Variants in NFATC1 observed in about 807,000 individuals in gnomAD.
NFATC1 encodes nuclear factor of activated T-cells, cytoplasmic 1.
NFATC1 carries 22 observed loss-of-function variants against 76.0 expected under a neutral mutation model. The ratio of observed to expected loss-of-function variants is 0.29; its 90% CI spans 0.21 to 0.41. The LOEUF (loss-of-function observed/expected upper bound fraction) is 0.41. NFATC1 is among the 10% of genes least tolerant of loss of function. The pLI, the probability that NFATC1 is intolerant of heterozygous loss-of-function variation, is 1.00. For synonymous variants in NFATC1, 704 were observed against 613.1 expected (o/e 1.15, Z -2.19); for missense variants, 1,357 against 1,337.7 (o/e 1.01, Z -0.23).
At position 79,529,182 on chromosome 18, in the gene NFATC1, T is replaced by A. The variant is rs1473380117; in HGVS notation, c.*1605T>A. ...CGTGTGGCCGCGTCCCACCTGCGGCTGGGTACCCTGCACCCGGCACTGTAG... is the reference window on the plus strand; with the variant it reads ...CGTGTGGCCGCGTCCCACCTGCGGCAGGGTACCCTGCACCCGGCACTGTAG... On this transcript the variant is annotated 3_prime_UTR_variant, in exon 10 of 10. Transcript: ENST00000427363. 6.6e-6 allele frequency: 1 copy of A among 152,264 alleles called. No homozygotes were observed. The highest frequency in any genetic ancestry group is 2.4e-5 in the African/African-American group (1 of 41,480). 9.4% of individuals were successfully genotyped at this position (152,264 alleles called of 1,614,324 possible).
intron 1 of NFATC1, chr18:79,400,514 GC>G (rs2085167288): frequency 8.0e-6 from 11 of 1,382,278 alleles, no homozygotes; most frequent in Admixed American, 3.6e-5. Flanking sequence ...GGGGCGCGGG[GC>G]CAGGTCGGGG....
intron 9 of NFATC1, among the ~76,000 whole-genome samples, chr18:79,512,318 T>C (rs1555923038): frequency 6.6e-6 from 1 of 152,182 alleles, no homozygotes; most frequent in Non-Finnish European, 1.5e-5. Context: ...AGCAAAATCC[T>C]GGCACCACCT....
At chr18:79,507,331 C>G (rs2090139171) in intron 9 of NFATC1, among the ~76,000 whole-genome samples, 1 of 152,252 alleles carries the variant, frequency 6.6e-6, no homozygotes, top group African/African-American at 2.4e-5. Context: ...GCACAGCAGC[C>G]TGGACTGCGG....
rs371582451 is a variant in NFATC1 at position 79,486,844 on chromosome 18, G to A, written c.2689G>A (p.Glu897Lys). 31 of 1,611,842 alleles carry A rather than the reference G, an allele frequency of 1.9e-5. No homozygotes were observed. The South Asian group carries it at 3.3e-4, about 17-fold the overall frequency. The change falls in exon 9 of 10, where the codon GAG becomes AAG. Residue 897 changes from glutamate to lysine, a missense_variant. Glu to Lys is a moderately conservative substitution (Grantham distance 56, BLOSUM62 1). This residue lies in a region of NFATC1 where 424 missense variants were observed against 395.4 expected (regional missense o/e 1.07). Coordinates refer to ENST00000427363, the MANE Select transcript of NFATC1 (RefSeq NM_001278669.2). ...SPTAGPRLLP[E>K]VHEDGSPNLA... ...GACTGCCGGGCCACGGCTGCTGCCA[G>A]AGGTGCATGAGGACGGTAGTCCTAA...
chr18:79,450,869 G>A, intron 4 of NFATC1, 85 bp from the exon 5 acceptor site: 1 of 1,501,058 alleles, frequency 6.7e-7, no homozygotes, highest in Non-Finnish European at 9.0e-7. Flanking sequence ...GGGCTGGGAT[G>A]AGGGCCAGAG....
chr18:79,459,776 C>T (rs541683663), intron 6 of NFATC1, among the ~76,000 whole-genome samples: 1 of 152,116 alleles, frequency 6.6e-6, no homozygotes, highest in South Asian at 2.1e-4. Context: ...TCAAAAGGTG[C>T]CAAACAACCA....
In NFATC1 at chr18:79,518,244, G is replaced by A. The variant is rs533624617; in HGVS notation, c.2783-9284G>A. Among the ~76,000 whole-genome samples the A allele has an allele frequency of 9.8e-5, 15 of 152,320 alleles. No individual in the cohort carries two copies. In the South Asian group the frequency reaches 2.7e-3, roughly 27 times the overall value. ...GAACAGCTTTTCCCATCGCTTTCCC[G>A]GTCGACATTCATGGCAGCCGCTGCG... On this transcript the variant is annotated intron_variant, in intron 9 of 9. Transcript: ENST00000427363.
intron 2 of NFATC1, among the ~76,000 whole-genome samples, chr18:79,432,582 C>T (rs552884776): frequency 3.9e-5 from 6 of 152,320 alleles, no homozygotes; most frequent in South Asian, 2.1e-4. Context: ...GAGGCTGGGC[C>T]GGGGCTGCAG....
At chr18:79,491,187 G>T (rs1485162338) in intron 9 of NFATC1, among the ~76,000 whole-genome samples, 1 of 152,110 alleles carries the variant, frequency 6.6e-6, no homozygotes, top group Non-Finnish European at 1.5e-5. Context: ...AAGAGAATCG[G>T]GCACCTCAGC....
intron 9 of NFATC1, among the ~76,000 whole-genome samples, chr18:79,500,200 A>G (rs1251480922): frequency 2.0e-5 from 3 of 152,182 alleles, no homozygotes; most frequent in African/African-American, 7.2e-5. Context: ...ATAAATTTCA[A>G]AATATTCTGA....
Position 79,451,107 on chromosome 18 carries a change from C to T in NFATC1, c.1743C>T (p.Ala581=), listed in dbSNP as rs1333760335. The part of the protein sequence containing the change: ...PSGRTLSLQV[A]SNPIECSQRS... The stretch of plus-strand genomic sequence containing the variant: ...GCCGCACGCTGTCCCTGCAGGTGGC[C>T]TCCAACCCCATCGAATGCTGTAAGT... Residue 581 remains alanine (A), a synonymous_variant, in exon 5 of 10, where the codon GCC becomes GCT. Transcript: ENST00000427363. 6.2e-7 allele frequency: 1 copy of T among 1,611,444 alleles called. No individual in the cohort carries two copies. The highest frequency in any genetic ancestry group is 8.5e-7 in the Non-Finnish European group (1 of 1,178,678).
intron 9 of NFATC1, among the ~76,000 whole-genome samples, chr18:79,508,690 T>G (rs2090174370): frequency 6.6e-6 from 1 of 152,020 alleles, no homozygotes; most frequent in Admixed American, 6.6e-5. Context: ...TCCCTGTCTC[T>G]GCCTCTTTGT....
At position 79,486,296 on chromosome 18, in the gene NFATC1, C is replaced by T. The variant is rs2089492115; in HGVS notation, c.2141C>T (p.Thr714Ile). 2 of 1,613,102 alleles carry T rather than the reference C, an allele frequency of 1.2e-6. No homozygotes were observed. The highest frequency in any genetic ancestry group is 1.7e-5 in the Admixed American group (1 of 60,008). Residue 714 changes from threonine to isoleucine, a missense_variant, in exon 9 of 10, where the codon ACC becomes ATC. Physicochemically the swap from Thr to Ile is moderately conservative, Grantham distance 89. Transcript: ENST00000427363. ...EPTDDYEPAPTCGPVSQGLSP... is the reference protein window; with the variant it reads ...EPTDDYEPAPICGPVSQGLSP... ...ACTGATGATTATGAGCCTGCTCCAACCTGTGGACCGGTGAGCCAGGGGTTA... is the reference window on the plus strand; with the variant it reads ...ACTGATGATTATGAGCCTGCTCCAATCTGTGGACCGGTGAGCCAGGGGTTA...
At chr18:79,469,884 T>G (rs1173486625) in intron 8 of NFATC1, 17 of 985,314 alleles carry the variant, frequency 1.7e-5, no homozygotes, top group Non-Finnish European at 2.0e-5. Context: ...GACCGCAACC[T>G]GCACCAGACT....
At chr18:79,400,035 G>C (rs1481368969) in intron 1 of NFATC1, among the ~76,000 whole-genome samples, 1 of 151,782 alleles carries the variant, frequency 6.6e-6, no homozygotes, top group Non-Finnish European at 1.5e-5. Context: ...GGTGCCGCTC[G>C]TGGGGTCCCG....
At chr18:79,458,335 G>A (rs2087856026) in intron 6 of NFATC1, among the ~76,000 whole-genome samples, 1 of 147,734 alleles carries the variant, frequency 6.8e-6, no homozygotes, top group Non-Finnish European at 1.5e-5. Context: ...ATGCTTTGGG[G>A]AGCAGGGCAG....
chr18:79,398,543 A>AG lies in NFATC1; in HGVS notation c.127+2199dup, dbSNP rs527696845. ...GGAAGCCCAGCACTGGGGCGGGGGA[A>AG]GGGGGGGCTCCTAGGAGCAGCAGGG... On this transcript the variant is annotated intron_variant, in intron 1 of 9. Coordinates refer to ENST00000427363, the MANE Select transcript of NFATC1 (RefSeq NM_001278669.2). Among the ~76,000 whole-genome samples the AG allele has an allele frequency of 5.3e-5, 8 of 152,132 alleles. No homozygotes were observed. In the East Asian group the frequency reaches 1.2e-3, roughly 22 times the overall value.
intron 3 of NFATC1, among the ~76,000 whole-genome samples, chr18:79,443,693 C>A (rs1161498213): frequency 1.3e-5 from 2 of 152,258 alleles, no homozygotes; most frequent in African/African-American, 4.8e-5. Flanking sequence ...TCCCTTGAAT[C>A]CTTCTGCCGA....
intron 2 of NFATC1, among the ~76,000 whole-genome samples, chr18:79,415,699 A>C (rs2085854070): frequency 6.6e-6 from 1 of 152,202 alleles, no homozygotes; most frequent in African/African-American, 2.4e-5. Context: ...GCTAATAAAC[A>C]ATGTTTACTT....
Sources: gnomAD v4.1 joint callset for allele counts (sites outside exome capture counted in the v4.1 genomes callset) on GRCh38, gnomAD v4.1.1 for gene constraint, gnomAD v4.1.1 regional missense constraint, MANE v1.5 for transcripts, NCBI Gene and HGNC (gene_info 2026-07-23, HGNC 2026-07-21) for gene names.